Variants in ITPR2 observed in about 807,000 individuals in gnomAD.
The protein encoded by ITPR2 is inositol 1,4,5-trisphosphate receptor type 2, also known as inositol 1,4,5-trisphosphate-gated calcium channel ITPR2.
Under a neutral mutation model 317.1 loss-of-function variants are expected in ITPR2, and 207 were observed. The ratio of observed to expected loss-of-function variants is 0.65; its 90% CI spans 0.58 to 0.73. The LOEUF (loss-of-function observed/expected upper bound fraction) is 0.73, where lower values mean the gene tolerates loss of function less well. ITPR2 is among the 30% of genes least tolerant of loss of function. The pLI is 0.00. For synonymous variants in ITPR2, 1,156 were observed against 1,149.1 expected (o/e 1.01, Z -0.12); for missense variants, 2,613 against 3,284.0 (o/e 0.80, Z 4.99).
At position 26,375,300 on chromosome 12, in the gene ITPR2, C is replaced by T. The variant is rs368512727; in HGVS notation, c.7857+12134G>A. 3.9e-5 allele frequency among the ~76,000 whole-genome samples: 6 copies of T among 152,288 alleles called. No homozygotes were observed. The East Asian group carries it at 7.7e-4, about 20-fold the overall frequency. ...TTATGAGAATCAGAGAAGTGAACAT[C>T]CCTTCATAAGTCTAAAATAAATGAC... On this transcript the variant is annotated intron_variant, in intron 55 of 56. Transcript: ENST00000381340.
intron 55 of ITPR2, among the ~76,000 whole-genome samples, chr12:26,378,232 G>A (rs74072154): frequency 0.017 from 2,587 of 152,054 alleles, 74 homozygotes; most frequent in African/African-American, 0.058. Context: ...AAAGGGTGGT[G>A]GGCTAGGAAG....
chr12:26,651,369 C>G (rs1412757494), intron 21 of ITPR2, among the ~76,000 whole-genome samples: 1 of 152,114 alleles, frequency 6.6e-6, no homozygotes, highest in African/African-American at 2.4e-5. Context: ...AATCTATTCT[C>G]TCTTTGACAC....
intron 13 of ITPR2, among the ~76,000 whole-genome samples, chr12:26,677,374 T>C (rs1947932644): frequency 6.6e-6 from 1 of 152,062 alleles, no homozygotes; most frequent in Non-Finnish European, 1.5e-5. Flanking sequence ...CCAACAAAGG[T>C]AGATTGCTTA....
chr12:26,461,012 C>T (rs567393408), intron 45 of ITPR2, among the ~76,000 whole-genome samples: 1 of 152,286 alleles, frequency 6.6e-6, no homozygotes, highest in South Asian at 2.1e-4. Flanking sequence ...TGAACATGTG[C>T]CTGCTCTGTC....
chr12:26,633,303 T>C (rs1235663698), intron 21 of ITPR2, among the ~76,000 whole-genome samples: 1 of 152,234 alleles, frequency 6.6e-6, no homozygotes, highest in Non-Finnish European at 1.5e-5. Context: ...AAGACTATTA[T>C]CTGTACATTG....
Position 26,443,595 on chromosome 12 carries a change from T to C in ITPR2, c.6398A>G (p.Asp2133Gly), listed in dbSNP as rs1941539542. The change falls in exon 46 of 57, where the codon GAT becomes GGT. Residue 2133 changes from aspartate to glycine, a missense_variant. By Grantham distance (94) the Asp-to-Gly change is moderately conservative. Transcript: ENST00000381340. ...ATACTTTAAGGCTTCATCTCCTTCA[T>C]CTGGATCCGATCCTGGTTTGAGCAT... ...QQMLKPGSDP[D>G]EGDEALKYYA... The C allele has an allele frequency of 1.9e-6, 3 of 1,613,172 alleles. No individual in the cohort carries two copies. The highest frequency in any genetic ancestry group is 2.5e-6 in the Non-Finnish European group (3 of 1,179,306).
intron 43 of ITPR2, among the ~76,000 whole-genome samples, chr12:26,478,015 G>A (rs1469746677): frequency 6.6e-6 from 1 of 152,150 alleles, no homozygotes; most frequent in Non-Finnish European, 1.5e-5. Context: ...ATGCTTCTAA[G>A]TGACTCAAAG....
chr12:26,602,411 G>A lies in ITPR2; in HGVS notation c.3637C>T (p.His1213Tyr). Reference protein sequence around the residue: ...HQRLLKNMGAHSVVLDLLQIP... With the variant: ...HQRLLKNMGAYSVVLDLLQIP... The stretch of plus-strand genomic sequence containing the variant: ...TGCAGAAGATCCAACACCACCGAAT[G>A]CGCCCCCATATTTTTCAGTAATCGT... Residue 1213 changes from histidine to tyrosine, a missense_variant, in exon 28 of 57, where the codon CAT becomes TAT. Transcript: ENST00000381340. 2 of 1,613,724 alleles carry A rather than the reference G, an allele frequency of 1.2e-6. No homozygotes were observed. The highest frequency in any genetic ancestry group is 1.7e-6 in the Non-Finnish European group (2 of 1,179,730).
At chr12:26,534,046 CTGA>C (rs1944017219) in intron 37 of ITPR2, among the ~76,000 whole-genome samples, 1 of 152,180 alleles carries the variant, frequency 6.6e-6, no homozygotes, top group Admixed American at 6.5e-5. Flanking sequence ...CATCTAATCC[CTGA>C]TCCAGAGGGC....
chr12:26,770,480 TCTC>T (rs1212735464), intron 2 of ITPR2, among the ~76,000 whole-genome samples: 2 of 152,160 alleles, frequency 1.3e-5, no homozygotes, highest in Admixed American at 6.5e-5. Flanking sequence ...ACAATTCTCT[TCTC>T]TGTGCTTCTA....
rs1942537486 is a variant in ITPR2, at chr12:26,481,154, T to C, written c.6100A>G (p.Met2034Val). The C allele has an allele frequency of 6.2e-7, 1 of 1,610,992 alleles. No individual in the cohort carries two copies. The highest frequency in any genetic ancestry group is 8.5e-7 in the Non-Finnish European group (1 of 1,177,160). ...NDINPLGKYR[M>V]DLVLQLKNNA... is the part of the protein sequence containing the mutation. ...ACCTTTAGCTGGAGCACCAGGTCCA[T>C]TCGGTATTTACCAAGAGGGTTTATG... The change falls in exon 43 of 57, where the codon ATG becomes GTG. Residue 2034 changes from methionine to valine, a missense_variant. By Grantham distance (21) the Met-to-Val change is conservative. This residue lies in a region of ITPR2 where 926 missense variants were observed against 1,072.8 expected (regional missense o/e 0.86). Coordinates refer to ENST00000381340, the MANE Select transcript of ITPR2 (RefSeq NM_002223.4).
chr12:26,398,796 G>T, intron 54 of ITPR2, 80 bp downstream of exon 54: 1 of 1,252,912 alleles, frequency 8.0e-7, no homozygotes, highest in Non-Finnish European at 1.1e-6. Context: ...CCGAAAGCAT[G>T]AAAAATAAAA....
intron 23 of ITPR2, among the ~76,000 whole-genome samples, chr12:26,625,413 A>T (rs1194372144): frequency 6.6e-6 from 1 of 152,168 alleles, no homozygotes; most frequent in Non-Finnish European, 1.5e-5. Flanking sequence ...TACACATTGT[A>T]TACCTGCATC....
In ITPR2 at chr12:26,525,552, C is replaced by G. The variant is rs537170318; in HGVS notation, c.5073+24695G>C. Among the ~76,000 whole-genome samples, 284 of 152,288 alleles carry G rather than the reference C, an allele frequency of 1.9e-3. 1 individual carries two copies. The highest frequency in any genetic ancestry group is 6.8e-3 in the Admixed American group (104 of 15,292). On this transcript the variant is annotated intron_variant, in intron 37 of 56. Coordinates refer to ENST00000381340, the MANE Select transcript of ITPR2 (RefSeq NM_002223.4). The stretch of plus-strand genomic sequence containing the variant: ...GACTGTAAGGTGAATTCCATCCATA[C>G]AGCTTTGACTTTGAGACCCTCTCTA...
intron 36 of ITPR2, among the ~76,000 whole-genome samples, chr12:26,551,108 T>C (rs1944514206): frequency 6.6e-6 from 1 of 152,210 alleles, no homozygotes; most frequent in Non-Finnish European, 1.5e-5. Flanking sequence ...ATCGCCTATA[T>C]AGCTCATGTT....
intron 9 of ITPR2, among the ~76,000 whole-genome samples, chr12:26,698,773 G>A (rs1007599975): frequency 5.3e-5 from 8 of 152,140 alleles, no homozygotes; most frequent in Admixed American, 4.6e-4. Context: ...AACAGAATTA[G>A]TTTCAAAACG....
chr12:26,743,659 G>A lies in ITPR2; in HGVS notation c.164-17894C>T, dbSNP rs140942934. 9.2e-3 allele frequency among the ~76,000 whole-genome samples: 1,403 copies of A among 152,202 alleles called. 23 individuals carry two copies. Among genetic ancestry groups the A allele is most frequent in the African/African-American group, 0.031 (1,302 of 41,516 alleles). ...TGTAATCCCAGCACTTTGGGAGGCC[G>A]AGGCGGGGGGATCACCTGAGGTCAG... On this transcript the variant is annotated intron_variant, in intron 2 of 56. Transcript: ENST00000381340.
At chr12:26,359,843 C>T (rs1938767475) in intron 55 of ITPR2, among the ~76,000 whole-genome samples, 1 of 152,092 alleles carries the variant, frequency 6.6e-6, no homozygotes, top group Non-Finnish European at 1.5e-5. Context: ...ATGTCAATTG[C>T]AATTTGGGAG....
chr12:26,760,014 T>C (rs12831325), intron 2 of ITPR2, among the ~76,000 whole-genome samples: 60,541 of 152,100 alleles, frequency 0.4, 13,597 homozygotes, highest in Non-Finnish European at 0.53. Flanking sequence ...AAGTCCCTGA[T>C]ATAAAATGCT....
Sources: allele counts gnomAD v4.1 joint callset (sites outside exome capture counted in the v4.1 genomes callset), GRCh38; gene constraint gnomAD v4.1.1; regional missense constraint gnomAD v4.1.1; transcripts MANE v1.5; gene names NCBI Gene and HGNC (gene_info 2026-07-23, HGNC 2026-07-21).